LINGO2: variants seen among roughly 807,000 people sequenced by gnomAD.
The protein encoded by LINGO2 is leucine-rich repeat and immunoglobulin-like domain-containing nogo receptor-interacting protein 2.
Under a neutral mutation model 30.6 loss-of-function variants are expected in LINGO2, and 14 were observed. That is an observed-to-expected ratio of 0.46 (90% CI 0.30 to 0.72). The LOEUF is 0.72. LINGO2 is among the 30% of genes least tolerant of loss of function. The pLI is 0.07. For missense variants in LINGO2, 729 were observed against 751.7 expected, an observed-to-expected ratio of 0.97 and a Z score of 0.35; for synonymous variants, 317 against 288.5, an observed-to-expected ratio of 1.10 and a Z score of -1.00.
chr9:27,999,474 C>CTGTGTGAT (rs1368373417), intron 5 of LINGO2, among the ~76,000 whole-genome samples: 2 of 125,488 alleles, frequency 1.6e-5, no homozygotes, highest in African/African-American at 5.9e-5. Context: ...GAGAGAGAGT[C>CTGTGTGAT]TGTGTGATGC....
intron 1 of LINGO2, among the ~76,000 whole-genome samples, chr9:28,549,154 T>C (rs118020806): frequency 2.0e-5 from 3 of 152,256 alleles, no homozygotes; most frequent in Non-Finnish European, 4.4e-5. Context: ...TTTTGAATTA[T>C]TCACACACAC....
At chr9:28,987,767 A>G in the LINGO2 span, among the ~76,000 whole-genome samples, 2 of 152,140 alleles carry the variant, frequency 1.3e-5, no homozygotes, top group Non-Finnish European at 2.9e-5. Context: ...AAGATATTTT[A>G]AAATGCCTCT....
intron 2 of LINGO2, among the ~76,000 whole-genome samples, chr9:28,425,313 G>GTA (rs1007365034): frequency 1.7e-5 from 2 of 119,270 alleles, no homozygotes; most frequent in African/African-American, 6.4e-5. Flanking sequence ...TGTATACACA[G>GTA]TATATATGTG....
At chr9:28,037,290 C>A (rs1306573729) in intron 4 of LINGO2, among the ~76,000 whole-genome samples, 1 of 152,212 alleles carries the variant, frequency 6.6e-6, no homozygotes, top group African/African-American at 2.4e-5. Context: ...CCAGGGCGCA[C>A]TAAGTTGCTC....
intron 4 of LINGO2, among the ~76,000 whole-genome samples, chr9:28,134,555 T>C (rs1313937297): frequency 6.6e-6 from 1 of 152,226 alleles, no homozygotes; most frequent in Admixed American, 6.5e-5. Context: ...TGGTAAGTGC[T>C]TGGAGACCCA....
the LINGO2 span, among the ~76,000 whole-genome samples, chr9:28,978,154 T>C: frequency 3.7e-3 from 564 of 152,244 alleles, 2 homozygotes; most frequent in African/African-American, 0.013. Flanking sequence ...CTTTGGGGAA[T>C]TGGAAATATA....
chr9:28,123,295 A>G (rs1587032874), intron 4 of LINGO2, among the ~76,000 whole-genome samples: 1 of 152,242 alleles, frequency 6.6e-6, no homozygotes. Flanking sequence ...ATGAAGAAAG[A>G]AGAACCTTAA....
the LINGO2 span, among the ~76,000 whole-genome samples, chr9:28,796,556 C>T: frequency 1.3e-5 from 2 of 151,964 alleles, no homozygotes; most frequent in Non-Finnish European, 2.9e-5. Context: ...GAAATGTTCT[C>T]ATTTTTCATT....
At chr9:28,758,436 T>A in the LINGO2 span, among the ~76,000 whole-genome samples, 1 of 152,118 alleles carries the variant, frequency 6.6e-6, no homozygotes, top group Non-Finnish European at 1.5e-5. Flanking sequence ...ACAAATGACT[T>A]GTGAAAAAAA....
chr9:29,119,202 A>G, the LINGO2 span, among the ~76,000 whole-genome samples: 306 of 152,342 alleles, frequency 2.0e-3, 1 homozygote, highest in African/African-American at 6.9e-3. Flanking sequence ...GGATGATCAC[A>G]TTAAACTAAA....
intron 1 of LINGO2, among the ~76,000 whole-genome samples, chr9:28,651,930 C>A (rs1338847435): frequency 6.6e-6 from 1 of 152,104 alleles, no homozygotes; most frequent in African/African-American, 2.4e-5. Context: ...TATTCTTTAA[C>A]TTTATTTACT....
intron 5 of LINGO2, among the ~76,000 whole-genome samples, chr9:27,957,900 T>C (rs1354318364): frequency 1.3e-5 from 2 of 152,174 alleles, no homozygotes; most frequent in Admixed American, 1.3e-4. Context: ...TATTTTGTCA[T>C]CTAGAAATAA....
chr9:29,180,819 T>C, the LINGO2 span, among the ~76,000 whole-genome samples: 1 of 152,144 alleles, frequency 6.6e-6, no homozygotes, highest in African/African-American at 2.4e-5. Flanking sequence ...ATATTATGAC[T>C]ACAATATCCA....
the LINGO2 span, among the ~76,000 whole-genome samples, chr9:28,975,147 G>A: frequency 2.2e-4 from 33 of 152,086 alleles, no homozygotes; most frequent in Non-Finnish European, 4.3e-4. Flanking sequence ...AAGGCTTGAG[G>A]TTGCCTGAGG....
At chr9:28,712,815 AT>A in the LINGO2 span, among the ~76,000 whole-genome samples, 1 of 152,154 alleles carries the variant, frequency 6.6e-6, no homozygotes, top group Non-Finnish European at 1.5e-5. Context: ...GAAACATAGA[AT>A]TTAAAAAGAA....
At chr9:28,082,025 C>G (rs1461269856) in intron 4 of LINGO2, among the ~76,000 whole-genome samples, 1 of 152,112 alleles carries the variant, frequency 6.6e-6, no homozygotes, top group African/African-American at 2.4e-5. Flanking sequence ...CATGGGACTT[C>G]TTGATCATAA....
the LINGO2 span, among the ~76,000 whole-genome samples, chr9:28,846,114 G>A: frequency 6.6e-6 from 1 of 151,646 alleles, no homozygotes; most frequent in African/African-American, 2.4e-5. Context: ...AGCTCACTGT[G>A]CATTTACCTC....
At chr9:28,506,410 AT>A (rs368830368) in intron 1 of LINGO2, among the ~76,000 whole-genome samples, 46,708 of 73,054 alleles carry the variant, frequency 0.64, 11,651 homozygotes, top group Middle Eastern at 0.73. Flanking sequence ...ATATATATAT[AT>A]ATATATATAT....
At chr9:28,373,717 T>C (rs1467565287) in intron 2 of LINGO2, among the ~76,000 whole-genome samples, 2 of 151,940 alleles carry the variant, frequency 1.3e-5, no homozygotes, top group Non-Finnish European at 2.9e-5. Context: ...CTGGCCAACA[T>C]GGCGAAACCC....
Sources: gnomAD v4.1 joint callset for allele counts (sites outside exome capture counted in the v4.1 genomes callset) on GRCh38, gnomAD v4.1.1 for gene constraint, MANE v1.5 for transcripts, NCBI Gene and HGNC (gene_info 2026-07-23, HGNC 2026-07-21) for gene names.